SLC35F2: variants seen among roughly 807,000 people sequenced by gnomAD.
SLC35F2 encodes the protein queuine/queuosine transporter SLC35F2.
A neutral mutation model predicts 38.1 loss-of-function variants in SLC35F2; 25 were observed. The ratio of observed to expected loss-of-function variants is 0.66; its 90% CI spans 0.48 to 0.92. SLC35F2 has a LOEUF of 0.92. Among genes scored for constraint, SLC35F2 ranks in the 40% least tolerant of loss-of-function variants. The pLI, the probability that SLC35F2 is intolerant of heterozygous loss-of-function variation, is 0.00. For synonymous variants in SLC35F2, 173 were observed against 181.7 expected (o/e 0.95, Z 0.38); for missense variants, 409 against 452.9 (o/e 0.90, Z 0.88).
At chr11:107,843,857 AAAAAAAAAAAAATATATAT>A (rs1325619317) in intron 1 of SLC35F2, among the ~76,000 whole-genome samples, 20 of 43,020 alleles carry the variant, frequency 4.6e-4, no homozygotes, top group African/African-American at 1.5e-3. Flanking sequence ...AAAAAAAAAA[AAAAAAAAAAAAATATATAT>A]ATATATATAT....
At chr11:107,800,973 T>C (rs1460355480) in intron 7 of SLC35F2, among the ~76,000 whole-genome samples, 6 of 150,400 alleles carry the variant, frequency 4.0e-5, no homozygotes, top group Non-Finnish European at 8.8e-5. Flanking sequence ...GGCACAATCT[T>C]GGTTCACTAC....
intron 2 of SLC35F2, among the ~76,000 whole-genome samples, chr11:107,812,648 C>T (rs1162390467): frequency 6.6e-6 from 1 of 152,166 alleles, no homozygotes; most frequent in Non-Finnish European, 1.5e-5. Context: ...TGTAACAAAC[C>T]TGCACATTCT....
intron 1 of SLC35F2, among the ~76,000 whole-genome samples, chr11:107,832,580 A>ACTG (rs1382750264): frequency 6.6e-6 from 1 of 152,190 alleles, no homozygotes; most frequent in African/African-American, 2.4e-5. Flanking sequence ...AGGTGGGCAG[A>ACTG]CTGCTGAAGC....
chr11:107,857,910 A>C lies in SLC35F2; in HGVS notation c.110+748T>G, dbSNP rs1860319607. On this transcript the variant is annotated intron_variant, in intron 1 of 7. Coordinates refer to ENST00000525815, the MANE Select transcript of SLC35F2 (RefSeq NM_017515.5). ...ATTATCCATATAAATTGTTATGCACAGTACCTGACACAGAGCGAGTGCCCA... is the reference window on the plus strand; with the variant it reads ...ATTATCCATATAAATTGTTATGCACCGTACCTGACACAGAGCGAGTGCCCA... Among the ~76,000 whole-genome samples the C allele has an allele frequency of 5.9e-5, 9 of 152,344 alleles. 1 individual carries two copies. The South Asian group carries it at 1.9e-3, about 32-fold the overall frequency.
intron 7 of SLC35F2, among the ~76,000 whole-genome samples, chr11:107,796,363 T>C (rs761177948): frequency 6.6e-6 from 1 of 152,136 alleles, no homozygotes; most frequent in Admixed American, 6.5e-5. Flanking sequence ...ATAGCAAAGA[T>C]ATGGAATCAA....
rs919254180 is a variant in SLC35F2, at chr11:107,816,288, CTTT to C, written c.111-326_111-324del. 7.2e-3 allele frequency: 5,100 copies of C among 710,420 alleles called. 199 individuals are homozygous for C. In the African/African-American group the frequency reaches 0.099, roughly 14 times the overall value. The allele number at this position is 710,420 out of a possible 1,614,324, so 44.0% of individuals were successfully genotyped here. A position where few individuals can be genotyped will look rare whatever the true frequency, so the allele number is the denominator to read the frequency against. On this transcript the variant is annotated intron_variant, in intron 1 of 7. Coordinates refer to ENST00000525815, the MANE Select transcript of SLC35F2 (RefSeq NM_017515.5). The stretch of plus-strand genomic sequence containing the variant: ...CGCACGTGTGTGTGTGTGTGTATGA[CTTT>C]TTTTTTTTGAGACAGGGTCTTGTTC...
At chr11:107,835,367 A>C (rs568396059) in intron 1 of SLC35F2, among the ~76,000 whole-genome samples, 1 of 152,134 alleles carries the variant, frequency 6.6e-6, no homozygotes, top group Admixed American at 6.5e-5. Flanking sequence ...AATGTGTGCG[A>C]ATTTCCCTTC....
chr11:107,805,518 G>A lies in SLC35F2; in HGVS notation c.575-3C>T. 1.2e-6 allele frequency: 2 copies of A among 1,609,992 alleles called. No homozygotes were observed. The highest frequency in any genetic ancestry group is 2.2e-5 in the South Asian group (2 of 90,296). ...GTCACCAATCAATACATCACTCCCT[G>A]CAGGAAGACAAGCCACAGAAAGCAA... On this transcript the variant is annotated splice_polypyrimidine_tract_variant and splice_region_variant and intron_variant, in intron 4 of 7. Transcript: ENST00000525815.
At chr11:107,805,807 G>C (rs762597742) in intron 4 of SLC35F2, 25 of 329,400 alleles carry the variant, frequency 7.6e-5, no homozygotes, top group Non-Finnish European at 1.0e-4. Context: ...CTCCCAACTG[G>C]CTGGGATTAC....
At chr11:107,829,047 G>A (rs1859795615) in intron 1 of SLC35F2, among the ~76,000 whole-genome samples, 2 of 151,518 alleles carry the variant, frequency 1.3e-5, no homozygotes, top group South Asian at 2.1e-4. Flanking sequence ...GGAGGAGGCT[G>A]CAGTGAGCCA....
intron 1 of SLC35F2, chr11:107,821,386 A>T: frequency 1.0e-6 from 1 of 982,424 alleles, no homozygotes; most frequent in Non-Finnish European, 1.2e-6. Context: ...ACAGGAATGC[A>T]CTTCTCTTGG....
chr11:107,815,441 C>T (rs1251998424), intron 2 of SLC35F2, among the ~76,000 whole-genome samples: 3 of 150,466 alleles, frequency 2.0e-5, no homozygotes, highest in Non-Finnish European at 3.0e-5. Context: ...CCTGTAGTCA[C>T]AGCTTACTAG....
At chr11:107,842,257 C>CAAAAA (rs541185009) in intron 1 of SLC35F2, among the ~76,000 whole-genome samples, 6,853 of 37,546 alleles carry the variant, frequency 0.18, 1,811 homozygotes, top group Middle Eastern at 0.21. Flanking sequence ...CTCCGTCTCA[C>CAAAAA]AAAAAAAAAA....
At chr11:107,830,511 G>A (rs1054966499) in intron 1 of SLC35F2, among the ~76,000 whole-genome samples, 25 of 150,158 alleles carry the variant, frequency 1.7e-4, no homozygotes, top group Non-Finnish European at 3.5e-4. Flanking sequence ...GTGAACCTGG[G>A]AGGCGGAGCT....
At chr11:107,803,482 A>G in intron 6 of SLC35F2, 1 of 985,080 alleles carries the variant, frequency 1.0e-6, no homozygotes, top group Non-Finnish European at 1.2e-6. Flanking sequence ...TGCCTGTGAT[A>G]AAAGGCCAAT....
rs1431758842 is a variant in SLC35F2, at chr11:107,805,615, A to G, written c.575-100T>C. 8.1e-6 allele frequency: 12 copies of G among 1,472,476 alleles called. No individual in the cohort carries two copies. The African/African-American group carries it at 1.6e-4, about 19-fold the overall frequency. The allele number at this position is 1,472,476 out of a possible 1,614,324, so 91.2% of individuals were successfully genotyped here. On this transcript the variant is annotated intron_variant, in intron 4 of 7. Coordinates refer to ENST00000525815, the MANE Select transcript of SLC35F2 (RefSeq NM_017515.5). The stretch of plus-strand genomic sequence containing the variant: ...TCTGACTCGTGTTCATTTAAATGAC[A>G]CTAAAGAAGAAGAAACTGGTTACTA...
chr11:107,795,769 T>C (rs1301362410), intron 7 of SLC35F2, among the ~76,000 whole-genome samples: 1 of 152,124 alleles, frequency 6.6e-6, no homozygotes, highest in Non-Finnish European at 1.5e-5. Flanking sequence ...CAATAAGATA[T>C]CATCTTACCT....
chr11:107,796,923 T>C (rs1380749137), intron 7 of SLC35F2, among the ~76,000 whole-genome samples: 1 of 152,184 alleles, frequency 6.6e-6, no homozygotes, highest in Non-Finnish European at 1.5e-5. Flanking sequence ...TCTGTGTGTC[T>C]TGGCCTCCCA....
chr11:107,809,594 T>G, intron 3 of SLC35F2: 1 of 720,470 alleles, frequency 1.4e-6, no homozygotes, highest in Non-Finnish European at 1.7e-6. Flanking sequence ...ATCATGCCAT[T>G]GTACTCCAGC....
Sources: allele counts gnomAD v4.1 joint callset (sites outside exome capture counted in the v4.1 genomes callset), GRCh38; gene constraint gnomAD v4.1.1; transcripts MANE v1.5; gene names NCBI Gene and HGNC (gene_info 2026-07-23, HGNC 2026-07-21).